CCBE1: variants seen among roughly 807,000 people sequenced by gnomAD.
CCBE1 encodes collagen and calcium binding EGF domains 1, also known as collagen and calcium-binding EGF domain-containing protein 1.
A neutral mutation model predicts 50.0 loss-of-function variants in CCBE1; 37 were observed. The ratio of observed to expected loss-of-function variants is 0.74; its 90% CI spans 0.57 to 0.97. The LOEUF (loss-of-function observed/expected upper bound fraction) is 0.97. Ranked by LOEUF, CCBE1 falls within the 50% of genes least tolerant of loss-of-function variation. CCBE1 has a pLI of 0.00. For synonymous variants in CCBE1, 234 were observed against 203.7 expected, an observed-to-expected ratio of 1.15 and a Z score of -1.27; for missense variants, 538 against 523.8, an observed-to-expected ratio of 1.03 and a Z score of -0.26.
chr18:59,470,271 C>G (rs1568157495), intron 3 of CCBE1, among the ~76,000 whole-genome samples: 3 of 152,010 alleles, frequency 2.0e-5, no homozygotes. Context: ...AAGGGAACTC[C>G]CCATCAGATC....
chr18:59,552,039 G>A (rs1026571207), intron 2 of CCBE1, among the ~76,000 whole-genome samples: 2 of 152,224 alleles, frequency 1.3e-5, no homozygotes, highest in Non-Finnish European at 2.9e-5. Context: ...GCCTGGGGAT[G>A]GAGGGTATAA....
rs148423936 is a variant in CCBE1 at position 59,586,440 on chromosome 18, C to A, written c.213-106202G>T. On this transcript the variant is annotated intron_variant, in intron 2 of 10. Transcript: ENST00000439986. The stretch of plus-strand genomic sequence containing the variant: ...AATCCTCTGGCCCATGGGGAGTGGC[C>A]CCCACTGTGTTTAGCTTCAACAAGC... 2.1e-3 allele frequency among the ~76,000 whole-genome samples: 315 copies of A among 152,216 alleles called. 4 individuals carry two copies. In the East Asian group the frequency reaches 0.032, roughly 15 times the overall value.
At chr18:59,612,848 GT>G (rs1009438489) in intron 2 of CCBE1, among the ~76,000 whole-genome samples, 1 of 65,190 alleles carries the variant, frequency 1.5e-5, no homozygotes, top group Non-Finnish European at 3.4e-5. Flanking sequence ...TTTTGTTTTT[GT>G]TTTTTTTAAT....
In CCBE1 at chr18:59,644,205, A is replaced by G. The variant is rs145730708; in HGVS notation, c.212+52424T>C. On this transcript the variant is annotated intron_variant, in intron 2 of 10. Coordinates refer to ENST00000439986, the MANE Select transcript of CCBE1 (RefSeq NM_133459.4). The stretch of plus-strand genomic sequence containing the variant: ...CACTGTTCTCAACAGCGCTCCTGCC[A>G]CCATGAGAATCTAATGCCGTTGCTG... Among the ~76,000 whole-genome samples, 1,441 of 152,312 alleles carry G rather than the reference A, an allele frequency of 9.5e-3. 17 individuals are homozygous for G. Among genetic ancestry groups the G allele is most frequent in the African/African-American group, 0.033 (1,364 of 41,552 alleles).
Position 59,448,033 on chromosome 18 carries a change from T to C in CCBE1, c.725A>G (p.Asn242Ser). The change falls in exon 7 of 11, where the codon AAC becomes AGC. Residue 242 changes from asparagine to serine, a missense_variant. Physicochemically the swap from Asn to Ser is conservative, Grantham distance 46. Transcript: ENST00000439986. ...YITGDKVLAS[N>S]TYLPGPPGLP... ...GCCAGGAGGTCCTGGAAGGTAGGTG[T>C]TTGAGGCCAGCACCTTGTCACCAGT... 1.2e-6 allele frequency: 2 copies of C among 1,614,130 alleles called. No homozygotes were observed. The highest frequency in any genetic ancestry group is 1.7e-6 in the Non-Finnish European group (2 of 1,180,018).
intron 3 of CCBE1, among the ~76,000 whole-genome samples, chr18:59,476,990 T>A (rs576896743): frequency 2.6e-5 from 4 of 152,334 alleles, no homozygotes; most frequent in Admixed American, 1.3e-4. Context: ...TATAACTTTA[T>A]GTTATATTGG....
intron 2 of CCBE1, among the ~76,000 whole-genome samples, chr18:59,642,235 A>G (rs561464265): frequency 6.6e-5 from 10 of 152,222 alleles, no homozygotes; most frequent in Non-Finnish European, 1.2e-4. Context: ...CCATTAACTC[A>G]AAAAGATGTT....
chr18:59,437,565 C>G (rs962092600), intron 10 of CCBE1, among the ~76,000 whole-genome samples: 2 of 152,242 alleles, frequency 1.3e-5, no homozygotes, highest in Non-Finnish European at 2.9e-5. Flanking sequence ...TCTTCAGAAG[C>G]AGTGACGTGG....
rs118177311 is a variant in CCBE1, at chr18:59,594,778, T to A, written c.212+101851A>T. ...TGAGTAGGGATGAAAGGCGGCATTC[T>A]ATGTGCAGTCCCAGAGACAGTCCCT... is the stretch of plus-strand genomic sequence containing the variant. On this transcript the variant is annotated intron_variant, in intron 2 of 10. Coordinates refer to ENST00000439986, the MANE Select transcript of CCBE1 (RefSeq NM_133459.4). Among the ~76,000 whole-genome samples the A allele has an allele frequency of 2.0e-3, 311 of 152,200 alleles. 3 individuals carry two copies. In the East Asian group the frequency reaches 0.032, roughly 16 times the overall value.
intron 2 of CCBE1, among the ~76,000 whole-genome samples, chr18:59,524,261 A>C (rs1914724867): frequency 2.6e-5 from 4 of 152,218 alleles, no homozygotes; most frequent in Non-Finnish European, 5.9e-5. Context: ...CGAAGTTTGC[A>C]GTGAGCCAAG....
At chr18:59,460,102 A>C (rs1164879762) in intron 5 of CCBE1, among the ~76,000 whole-genome samples, 1 of 152,242 alleles carries the variant, frequency 6.6e-6, no homozygotes, top group African/African-American at 2.4e-5. Flanking sequence ...GGGTGACTAA[A>C]CTGGCTCCGG....
chr18:59,485,104 C>T (rs893614889), intron 2 of CCBE1, among the ~76,000 whole-genome samples: 18 of 152,272 alleles, frequency 1.2e-4, no homozygotes, highest in African/African-American at 3.6e-4. Context: ...ATACCCTTCA[C>T]GTGTTGTAGC....
chr18:59,508,855 T>A (rs1033133077), intron 2 of CCBE1, among the ~76,000 whole-genome samples: 4 of 151,826 alleles, frequency 2.6e-5, no homozygotes, highest in Non-Finnish European at 4.4e-5. Context: ...TAGCTGGGAC[T>A]ATTGGCATGT....
intron 2 of CCBE1, among the ~76,000 whole-genome samples, chr18:59,523,469 T>C (rs1190643650): frequency 2.0e-5 from 3 of 151,964 alleles, no homozygotes; most frequent in Non-Finnish European, 2.9e-5. Context: ...ACAGTACCTA[T>C]CTCAAGATGT....
chr18:59,511,539 A>G (rs995957073), intron 2 of CCBE1, among the ~76,000 whole-genome samples: 1 of 152,234 alleles, frequency 6.6e-6, no homozygotes, highest in African/African-American at 2.4e-5. Context: ...TCTTACATTC[A>G]TATAATGTGT....
At chr18:59,449,176 G>A (rs1368996213) in intron 6 of CCBE1, among the ~76,000 whole-genome samples, 2 of 152,170 alleles carry the variant, frequency 1.3e-5, no homozygotes, top group Non-Finnish European at 2.9e-5. Flanking sequence ...CTTTCTACCT[G>A]TGGGATCTTG....
rs750324482 is a variant in CCBE1, at chr18:59,625,430, C to CAAAAAA, written c.212+71193_212+71198dup. ...TGGGCTACAGAGTGAGATTCTGTCT[C>CAAAAAA]AAAAAAAAAAAAAAAAAAAAAAAAT... On this transcript the variant is annotated intron_variant, in intron 2 of 10. Transcript: ENST00000439986. 5.2e-3 allele frequency among the ~76,000 whole-genome samples: 365 copies of CAAAAAA among 69,838 alleles called. 27 individuals carry two copies. Among genetic ancestry groups the CAAAAAA allele is most frequent in the African/African-American group, 0.02 (327 of 16,416 alleles). The allele number at this position is 69,838 out of a possible 152,430, so 45.8% of individuals were successfully genotyped here.
At position 59,508,363 on chromosome 18, in the gene CCBE1, C is replaced by T. The variant is rs371361577; in HGVS notation, c.213-28125G>A. 5.9e-5 allele frequency among the ~76,000 whole-genome samples: 9 copies of T among 151,578 alleles called. 1 individual carries two copies. The highest frequency in any genetic ancestry group is 4.2e-4 in the South Asian group (2 of 4,802). On this transcript the variant is annotated intron_variant, in intron 2 of 10. Coordinates refer to ENST00000439986, the MANE Select transcript of CCBE1 (RefSeq NM_133459.4). ...CTGTAATCCCAGAACTTTGGGAGGC[C>T]GAGGCAGGTGGATAATTTGAGGTCA...
intron 2 of CCBE1, among the ~76,000 whole-genome samples, chr18:59,589,715 C>T (rs1384237472): frequency 1.4e-5 from 2 of 145,646 alleles, no homozygotes; most frequent in Admixed American, 7.1e-5. Context: ...AGGAGAATGG[C>T]GCGAACCCAG....
Sources: allele counts gnomAD v4.1 joint callset (sites outside exome capture counted in the v4.1 genomes callset), GRCh38; gene constraint gnomAD v4.1.1; transcripts MANE v1.5; gene names NCBI Gene and HGNC (gene_info 2026-07-23, HGNC 2026-07-21).